Variants in PRKD1 observed in about 807,000 individuals in gnomAD.
PRKD1 encodes serine/threonine-protein kinase D1.
Under a neutral mutation model 95.9 loss-of-function variants are expected in PRKD1, and 63 were observed. The ratio of observed to expected loss-of-function variants is 0.66; its 90% CI spans 0.54 to 0.81. The LOEUF (loss-of-function observed/expected upper bound fraction) is 0.81. PRKD1 is among the 30% of genes least tolerant of loss of function. The pLI, the probability that PRKD1 is intolerant of heterozygous loss-of-function variation, is 0.00. For synonymous variants in PRKD1, 425 were observed against 423.1 expected, an observed-to-expected ratio of 1.00 and a Z score of -0.05; for missense variants, 1,048 against 1,165.3, an observed-to-expected ratio of 0.90 and a Z score of 1.47.
intron 1 of PRKD1, among the ~76,000 whole-genome samples, chr14:29,775,211 C>A (rs1888684513): frequency 6.6e-6 from 1 of 152,206 alleles, no homozygotes; most frequent in Non-Finnish European, 1.5e-5. Context: ...CTATAGCTCC[C>A]AGTGTGAGCG....
intron 2 of PRKD1, among the ~76,000 whole-genome samples, chr14:29,680,455 T>C (rs1467772122): frequency 6.6e-6 from 1 of 152,050 alleles, no homozygotes; most frequent in Non-Finnish European, 1.5e-5. Flanking sequence ...ACAAGAGGAA[T>C]ATATAAGAAA....
chr14:29,579,148 G>A (rs1046489774), intron 16 of PRKD1, among the ~76,000 whole-genome samples: 3 of 151,812 alleles, frequency 2.0e-5, no homozygotes, highest in African/African-American at 7.3e-5. Context: ...TATCTAGTCT[G>A]AAAATCATCC....
chr14:29,863,232 T>C (rs1012596352), intron 1 of PRKD1, among the ~76,000 whole-genome samples: 39 of 152,186 alleles, frequency 2.6e-4, no homozygotes, highest in African/African-American at 7.7e-4. Flanking sequence ...TAGGTCCCTT[T>C]AGTATCCTTT....
At chr14:29,697,449 C>T (rs66747480) in intron 2 of PRKD1, among the ~76,000 whole-genome samples, 10,505 of 152,110 alleles carry the variant, frequency 0.069, 924 homozygotes, top group African/African-American at 0.2. Context: ...AAATTTCATC[C>T]GAATTACCAT....
chr14:29,716,835 T>C (rs1267946578), intron 2 of PRKD1, among the ~76,000 whole-genome samples: 6 of 152,138 alleles, frequency 3.9e-5, no homozygotes, highest in Non-Finnish European at 8.8e-5. Flanking sequence ...CCAGGAATCA[T>C]AGAAATTAGG....
intron 1 of PRKD1, among the ~76,000 whole-genome samples, chr14:29,795,945 C>T (rs1415040116): frequency 6.6e-6 from 1 of 152,102 alleles, no homozygotes; most frequent in Non-Finnish European, 1.5e-5. Context: ...ACTAAGATCA[C>T]TTTAAATGTA....
intron 1 of PRKD1, among the ~76,000 whole-genome samples, chr14:29,842,323 C>T (rs947349045): frequency 6.6e-5 from 10 of 152,182 alleles, no homozygotes; most frequent in African/African-American, 2.2e-4. Flanking sequence ...ATGGTATGTG[C>T]TATATTTTAA....
intron 4 of PRKD1, among the ~76,000 whole-genome samples, chr14:29,655,071 A>G (rs1881757181): frequency 6.6e-6 from 1 of 152,194 alleles, no homozygotes; most frequent in Non-Finnish European, 1.5e-5. Flanking sequence ...CCTTTATGCA[A>G]TCTGTTCCCG....
At chr14:29,691,611 TGG>T (rs1884239304) in intron 2 of PRKD1, among the ~76,000 whole-genome samples, 1 of 152,104 alleles carries the variant, frequency 6.6e-6, no homozygotes, top group Non-Finnish European at 1.5e-5. Flanking sequence ...ATTATTAGGT[TGG>T]TGCAAAAGTT....
At chr14:29,853,368 T>C (rs916045205) in intron 1 of PRKD1, among the ~76,000 whole-genome samples, 1 of 152,236 alleles carries the variant, frequency 6.6e-6, no homozygotes, top group African/African-American at 2.4e-5. Context: ...GCTATCTTAA[T>C]TGTAGCTTTC....
At chr14:29,886,334 A>G (rs1893704185) in intron 1 of PRKD1, among the ~76,000 whole-genome samples, 1 of 152,328 alleles carries the variant, frequency 6.6e-6, no homozygotes, top group Non-Finnish European at 1.5e-5. Flanking sequence ...GGCTGCCAAA[A>G]TGGGAAAGAT....
rs560299243 is a variant in PRKD1 at position 29,924,002 on chromosome 14, G to A, written c.264+3247C>T. On this transcript the variant is annotated intron_variant, in intron 1 of 17. Transcript: ENST00000331968. ...AACAGTGTTTCAAAGTGAAGTCAAT[G>A]ATTGTTATTATTTTTTACCCTCCTG... Among the ~76,000 whole-genome samples the A allele has an allele frequency of 3.3e-5, 5 of 152,124 alleles. No homozygotes were observed. In the South Asian group the frequency reaches 8.3e-4, roughly 25 times the overall value.
At chr14:29,897,791 A>C (rs1465709625) in intron 1 of PRKD1, among the ~76,000 whole-genome samples, 4 of 152,092 alleles carry the variant, frequency 2.6e-5, no homozygotes, top group Non-Finnish European at 4.4e-5. Context: ...GTATTTTGAA[A>C]ACTTTTCTTT....
chr14:29,678,060 TCACTGATA>T (rs1883334669), intron 2 of PRKD1, among the ~76,000 whole-genome samples: 1 of 152,360 alleles, frequency 6.6e-6, no homozygotes, highest in South Asian at 2.1e-4. Context: ...AAAAACTGAT[TCACTGATA>T]ATGTCAAATC....
chr14:29,742,639 T>C (rs1027010289), intron 1 of PRKD1, among the ~76,000 whole-genome samples: 5 of 152,184 alleles, frequency 3.3e-5, no homozygotes, highest in African/African-American at 1.2e-4. Flanking sequence ...AAAAAATCTA[T>C]AGATGTTCAT....
chr14:29,733,611 G>T (rs940435074), intron 1 of PRKD1, among the ~76,000 whole-genome samples: 9 of 152,082 alleles, frequency 5.9e-5, no homozygotes, highest in African/African-American at 2.2e-4. Flanking sequence ...ATCTTCACAA[G>T]GCTGCAGGAA....
chr14:29,812,730 C>A (rs1318796562), intron 1 of PRKD1, among the ~76,000 whole-genome samples: 4 of 152,200 alleles, frequency 2.6e-5, no homozygotes, highest in Non-Finnish European at 5.9e-5. Context: ...CACTTCCTTC[C>A]CTCCACACAT....
intron 13 of PRKD1, among the ~76,000 whole-genome samples, chr14:29,619,648 G>C (rs1000460402): frequency 6.6e-6 from 1 of 152,152 alleles, no homozygotes; most frequent in East Asian, 1.9e-4. Flanking sequence ...ATCAGGGTAA[G>C]AGAAGTATGG....
chr14:29,669,088 T>C (rs2139227579), intron 2 of PRKD1, among the ~76,000 whole-genome samples: 1 of 152,334 alleles, frequency 6.6e-6, no homozygotes, highest in East Asian at 1.9e-4. Context: ...AAGAGTACAA[T>C]TAAATACATA....
Sources: gnomAD v4.1 joint callset for allele counts (sites outside exome capture counted in the v4.1 genomes callset) on GRCh38, gnomAD v4.1.1 for gene constraint, MANE v1.5 for transcripts, NCBI Gene and HGNC (gene_info 2026-07-23, HGNC 2026-07-21) for gene names.